The following GPHN variants were observed in gnomAD, a reference collection of about 807,000 sequenced individuals.
GPHN encodes gephyrin.
A neutral mutation model predicts 95.5 loss-of-function variants in GPHN; 17 were observed. That is an observed-to-expected ratio of 0.18 (90% CI 0.12 to 0.27). GPHN has a LOEUF of 0.27. Among genes scored for constraint, GPHN ranks in the 10% least tolerant of loss-of-function variants. The probability of loss-of-function intolerance (pLI) is 1.00; values close to 1 mark genes in which losing one functional copy is unlikely to be tolerated. For synonymous variants in GPHN, 320 were observed against 322.5 expected, an observed-to-expected ratio of 0.99 and a Z score of 0.08; for missense variants, 660 against 978.1, an observed-to-expected ratio of 0.67 and a Z score of 4.34.
At chr14:66,783,360 A>T (rs1238107776) in intron 3 of GPHN, among the ~76,000 whole-genome samples, 2 of 151,882 alleles carry the variant, frequency 1.3e-5, no homozygotes, top group African/African-American at 4.8e-5. Context: ...CCTGGCTATG[A>T]TATTAAAGTT....
chr14:67,466,256 G>A, the GPHN span, among the ~76,000 whole-genome samples: 15 of 152,330 alleles, frequency 9.8e-5, no homozygotes, highest in Admixed American at 3.3e-4. Flanking sequence ...TATCATCTGC[G>A]GATCTCCTTC....
chr14:67,687,466 C>CT, the GPHN span, among the ~76,000 whole-genome samples: 1 of 116,706 alleles, frequency 8.6e-6, no homozygotes, highest in African/African-American at 3.1e-5. Context: ...CCTCCATATT[C>CT]CTTTTTTTTT....
chr14:66,690,491 A>G (rs1253139154), intron 2 of GPHN, among the ~76,000 whole-genome samples: 1 of 152,200 alleles, frequency 6.6e-6, no homozygotes, highest in African/African-American at 2.4e-5. Context: ...GATGAAAAGT[A>G]TGTGTATTCT....
intron 1 of GPHN, among the ~76,000 whole-genome samples, chr14:66,634,377 A>C (rs1278308270): frequency 6.6e-6 from 1 of 151,838 alleles, no homozygotes; most frequent in African/African-American, 2.4e-5. Context: ...GTAATCAACA[A>C]CTGCAGTGTC....
the GPHN span, chr14:67,690,501 G>T: frequency 8.8e-7 from 1 of 1,139,222 alleles, no homozygotes; most frequent in East Asian, 2.4e-5. Flanking sequence ...CCTCACCTAT[G>T]GGAGGCAGAT....
At chr14:67,546,528 T>C in the GPHN span, among the ~76,000 whole-genome samples, 1 of 152,052 alleles carries the variant, frequency 6.6e-6, no homozygotes, top group Non-Finnish European at 1.5e-5. Context: ...GTAGCTGGGA[T>C]TACAGGCGCG....
At chr14:66,592,800 T>C (rs563212257) in intron 1 of GPHN, among the ~76,000 whole-genome samples, 2 of 152,360 alleles carry the variant, frequency 1.3e-5, no homozygotes, top group East Asian at 3.9e-4. Flanking sequence ...CATTACTGGG[T>C]ATATACCCAA....
the GPHN span, among the ~76,000 whole-genome samples, chr14:67,625,680 C>CAAAAAAAAAAA: frequency 3.1e-5 from 1 of 32,116 alleles, no homozygotes; most frequent in African/African-American, 1.0e-4. Flanking sequence ...AACTCCATCT[C>CAAAAAAAAAAA]AAAAAAAAAA....
chr14:67,651,032 A>G, the GPHN span: 1 of 1,130,936 alleles, frequency 8.8e-7, no homozygotes, highest in East Asian at 2.5e-5. Flanking sequence ...TAATGAGAAC[A>G]TTTACACATT....
intron 18 of GPHN, among the ~76,000 whole-genome samples, chr14:67,146,140 G>A (rs1483294094): frequency 1.3e-5 from 2 of 152,184 alleles, no homozygotes; most frequent in Non-Finnish European, 1.5e-5. Context: ...GCCTCTTTGG[G>A]TGTATTTCAC....
chr14:66,517,413 A>G (rs868655968), intron 1 of GPHN, among the ~76,000 whole-genome samples: 2 of 152,204 alleles, frequency 1.3e-5, no homozygotes, highest in Admixed American at 6.5e-5. Context: ...TATACCAATG[A>G]CATTCTTCAC....
chr14:66,749,875 TC>T (rs1291201070), intron 2 of GPHN, among the ~76,000 whole-genome samples: 12 of 151,884 alleles, frequency 7.9e-5, no homozygotes, highest in Admixed American at 2.0e-4. Context: ...ATATAGTAGG[TC>T]TGTGTATTTG....
intron 1 of GPHN, among the ~76,000 whole-genome samples, chr14:66,593,540 T>A (rs954205079): frequency 1.3e-5 from 2 of 152,090 alleles, no homozygotes; most frequent in Non-Finnish European, 2.9e-5. Flanking sequence ...GAGAACAGCA[T>A]AGGGGAATCC....
chr14:67,292,620 C>T, the GPHN span: 2 of 1,613,664 alleles, frequency 1.2e-6, no homozygotes, highest in Middle Eastern at 1.7e-4. Flanking sequence ...ATAAGGATTT[C>T]CAGAATGCAT....
At chr14:66,634,131 C>A (rs888448313) in intron 1 of GPHN, among the ~76,000 whole-genome samples, 1 of 151,932 alleles carries the variant, frequency 6.6e-6, no homozygotes, top group African/African-American at 2.4e-5. Flanking sequence ...GGGTCTGTTA[C>A]TGGAGAATTA....
chr14:67,145,829 C>A (rs984232067), intron 18 of GPHN, among the ~76,000 whole-genome samples: 4 of 152,148 alleles, frequency 2.6e-5, no homozygotes, highest in African/African-American at 9.7e-5. Context: ...AAGTGCAGAA[C>A]CTCAGGTATG....
the GPHN span, among the ~76,000 whole-genome samples, chr14:67,373,998 T>C: frequency 2.0e-5 from 3 of 152,126 alleles, no homozygotes; most frequent in Non-Finnish European, 4.4e-5. Flanking sequence ...ATTTGGATAA[T>C]TGAAAATTAT....
At chr14:66,660,755 T>G (rs1244233074) in intron 1 of GPHN, among the ~76,000 whole-genome samples, 1 of 151,986 alleles carries the variant, frequency 6.6e-6, no homozygotes, top group Non-Finnish European at 1.5e-5. Flanking sequence ...TTGGGACTGA[T>G]CAGGGAAACA....
At chr14:67,359,559 C>T in the GPHN span, 1 of 1,371,806 alleles carries the variant, frequency 7.3e-7, no homozygotes, top group Non-Finnish European at 1.0e-6. Context: ...TCAGGATCCT[C>T]CCAGGAAACA....
Sources: allele counts gnomAD v4.1 joint callset (sites outside exome capture counted in the v4.1 genomes callset), GRCh38; gene constraint gnomAD v4.1.1; transcripts MANE v1.5; gene names NCBI Gene and HGNC (gene_info 2026-07-23, HGNC 2026-07-21).